Variants in LSAMP observed in about 807,000 individuals in gnomAD.
LSAMP encodes limbic system-associated membrane protein.
In LSAMP, 7 loss-of-function variants were observed where a neutral mutation model predicts 38.6. That is an observed-to-expected ratio of 0.18 (90% CI 0.10 to 0.34). The LOEUF (loss-of-function observed/expected upper bound fraction) is 0.34, where lower values mean the gene tolerates loss of function less well. LSAMP is among the 10% of genes least tolerant of loss of function. LSAMP has a pLI of 1.00. For synonymous variants in LSAMP, 154 were observed against 166.8 expected (o/e 0.92, Z 0.59); for missense variants, 313 against 420.0 (o/e 0.75, Z 2.23).
intron 3 of LSAMP, among the ~76,000 whole-genome samples, chr3:115,900,779 C>T (rs1936855121): frequency 6.6e-6 from 1 of 152,058 alleles, no homozygotes; most frequent in South Asian, 2.1e-4. Flanking sequence ...GGAGAAAAAC[C>T]ATTATTCGCT....
At chr3:115,956,475 G>C (rs1938458455) in intron 3 of LSAMP, among the ~76,000 whole-genome samples, 1 of 151,978 alleles carries the variant, frequency 6.6e-6, no homozygotes, top group South Asian at 2.1e-4. Flanking sequence ...CACTCCTTCT[G>C]TACCATGGAC....
intron 1 of LSAMP, among the ~76,000 whole-genome samples, chr3:116,148,547 T>C (rs552538394): frequency 1.3e-5 from 2 of 152,108 alleles, no homozygotes; most frequent in East Asian, 3.9e-4. Flanking sequence ...AAACCAGTGA[T>C]CAAGAAGTAG....
At chr3:115,861,991 T>G (rs1306617310) in intron 3 of LSAMP, among the ~76,000 whole-genome samples, 3 of 152,178 alleles carry the variant, frequency 2.0e-5, no homozygotes, top group Non-Finnish European at 4.4e-5. Context: ...AACAAAGGAT[T>G]GAAAAAGCCC....
intron 3 of LSAMP, among the ~76,000 whole-genome samples, chr3:115,977,680 G>C (rs551616558): frequency 1.0e-3 from 155 of 149,740 alleles, no homozygotes; most frequent in African/African-American, 3.5e-3. Flanking sequence ...GTCCAAGCTG[G>C]GTATAACATT....
intron 6 of LSAMP, among the ~76,000 whole-genome samples, chr3:115,817,283 T>A (rs1934061322): frequency 6.6e-6 from 1 of 152,220 alleles, no homozygotes; most frequent in African/African-American, 2.4e-5. Context: ...TAAATAGCAC[T>A]TACCTCTAAC....
At chr3:116,207,809 C>T (rs530323947) in intron 1 of LSAMP, among the ~76,000 whole-genome samples, 29 of 152,246 alleles carry the variant, frequency 1.9e-4, no homozygotes, top group African/African-American at 6.5e-4. Context: ...TGAGGGTAAC[C>T]CGACCTTTCT....
intron 3 of LSAMP, among the ~76,000 whole-genome samples, chr3:115,927,954 A>G (rs548486772): frequency 6.6e-6 from 1 of 152,250 alleles, no homozygotes; most frequent in African/African-American, 2.4e-5. Flanking sequence ...CATACTTTTA[A>G]ATTTCATTTA....
chr3:116,392,074 C>T (rs751428337), intron 1 of LSAMP, among the ~76,000 whole-genome samples: 32 of 152,154 alleles, frequency 2.1e-4, no homozygotes, highest in Admixed American at 7.9e-4. Flanking sequence ...GGAGATATCA[C>T]ACCTGCCCTG....
At chr3:116,037,509 T>A (rs1368190275) in intron 2 of LSAMP, among the ~76,000 whole-genome samples, 1 of 152,094 alleles carries the variant, frequency 6.6e-6, no homozygotes, top group African/African-American at 2.4e-5. Flanking sequence ...CATAGTTCAG[T>A]CTCTTTATCT....
intron 1 of LSAMP, among the ~76,000 whole-genome samples, chr3:116,370,321 G>C (rs1444363776): frequency 6.6e-6 from 1 of 152,130 alleles, no homozygotes; most frequent in Admixed American, 6.6e-5. Context: ...GAGAAGAATG[G>C]GAGGATTCTA....
intron 1 of LSAMP, among the ~76,000 whole-genome samples, chr3:116,129,863 G>C (rs1013490917): frequency 2.0e-5 from 3 of 152,198 alleles, no homozygotes; most frequent in Non-Finnish European, 2.9e-5. Context: ...CCAGTGGAAA[G>C]TAAAGCCTTA....
At chr3:116,408,662 G>A (rs1041099971) in intron 1 of LSAMP, among the ~76,000 whole-genome samples, 2 of 152,004 alleles carry the variant, frequency 1.3e-5, no homozygotes, top group Non-Finnish European at 1.5e-5. Context: ...TAACAGGCTC[G>A]GAGAAGCTAG....
intron 1 of LSAMP, among the ~76,000 whole-genome samples, chr3:116,161,385 ATAT>A (rs1361692442): frequency 1.3e-5 from 2 of 152,212 alleles, no homozygotes; most frequent in Non-Finnish European, 2.9e-5. Context: ...ATAGCGAGTA[ATAT>A]TATAGTCATA....
chr3:115,871,251 C>T (rs922182318), intron 3 of LSAMP, among the ~76,000 whole-genome samples: 1 of 152,006 alleles, frequency 6.6e-6, no homozygotes, highest in African/African-American at 2.4e-5. Context: ...CAGTTTAAAC[C>T]TGAAACACAG....
At chr3:115,900,154 T>C (rs1936837504) in intron 3 of LSAMP, among the ~76,000 whole-genome samples, 1 of 152,194 alleles carries the variant, frequency 6.6e-6, no homozygotes, top group South Asian at 2.1e-4. Context: ...GATATTATTC[T>C]CTAGGTCCAA....
At chr3:115,821,173 T>A (rs912957329) in intron 6 of LSAMP, among the ~76,000 whole-genome samples, 8 of 152,154 alleles carry the variant, frequency 5.3e-5, no homozygotes, top group African/African-American at 1.9e-4. Context: ...AAAATTCAAG[T>A]GAGTGTTGCA....
At chr3:115,933,568 A>G (rs1937615603) in intron 3 of LSAMP, among the ~76,000 whole-genome samples, 1 of 152,216 alleles carries the variant, frequency 6.6e-6, no homozygotes, top group Non-Finnish European at 1.5e-5. Flanking sequence ...GGCACCAAAT[A>G]ACATGGCCAG....
intron 1 of LSAMP, among the ~76,000 whole-genome samples, chr3:116,245,208 GGGA>G (rs1375881271): frequency 6.6e-6 from 1 of 152,180 alleles, no homozygotes; most frequent in African/African-American, 2.4e-5. Flanking sequence ...TGAAGGCACA[GGGA>G]GAAGATGACC....
At position 115,916,854 on chromosome 3, in the gene LSAMP, A is replaced by G. The variant is rs113982626; in HGVS notation, c.515-64237T>C. On this transcript the variant is annotated intron_variant, in intron 3 of 6. Coordinates refer to ENST00000490035, the MANE Select transcript of LSAMP (RefSeq NM_002338.5). Reference sequence around the variant, plus strand: ...GTCACCCAAGCGTTACACACATTGCATGAATGCCTTTATATTTCTGAAATC... The same window carrying G: ...GTCACCCAAGCGTTACACACATTGCGTGAATGCCTTTATATTTCTGAAATC... Among the ~76,000 whole-genome samples the G allele has an allele frequency of 2.6e-3, 396 of 152,338 alleles. 2 individuals are homozygous for G. Among genetic ancestry groups the G allele is most frequent in the African/African-American group, 9.2e-3 (381 of 41,576 alleles).
Sources: gnomAD v4.1 joint callset for allele counts (sites outside exome capture counted in the v4.1 genomes callset) on GRCh38, gnomAD v4.1.1 for gene constraint, MANE v1.5 for transcripts, NCBI Gene and HGNC (gene_info 2026-07-23, HGNC 2026-07-21) for gene names.